The following CHST9 variants were observed in gnomAD, a reference collection of about 807,000 sequenced individuals.
The protein encoded by CHST9 is GalNAc-4-sulfotransferase 2.
CHST9 carries 41 observed loss-of-function variants against 44.4 expected under a neutral mutation model. The ratio of observed to expected loss-of-function variants is 0.92; its 90% CI spans 0.72 to 1.20. The LOEUF is 1.20. Among genes scored for constraint, CHST9 ranks in the 50% most tolerant of loss-of-function variants. CHST9 has a pLI of 0.00. For synonymous variants in CHST9, 171 were observed against 178.4 expected (o/e 0.96, Z 0.33); for missense variants, 504 against 516.5 (o/e 0.98, Z 0.23).
rs558473355 is a variant in CHST9, at chr18:26,970,582, C to T, written c.203-26216G>A. Among the ~76,000 whole-genome samples, 48 of 152,304 alleles carry T rather than the reference C, an allele frequency of 3.2e-4. 2 individuals are homozygous for T. In the South Asian group the frequency reaches 1.0e-2, roughly 32 times the overall value. ...TAGCTGGGACTACAGTCACATGCCA[C>T]CACACCTGGCTAATTTTGTATTTTT... On this transcript the variant is annotated intron_variant, in intron 4 of 5. Coordinates refer to ENST00000618847, the MANE Select transcript of CHST9 (RefSeq NM_031422.6).
chr18:27,056,263 T>A (rs1018557718), intron 2 of CHST9, among the ~76,000 whole-genome samples: 2 of 152,176 alleles, frequency 1.3e-5, no homozygotes, highest in Non-Finnish European at 2.9e-5. Flanking sequence ...TTTCATTTAA[T>A]TTTCCCAGTA....
At chr18:27,052,585 T>G (rs1422799378) in intron 2 of CHST9, among the ~76,000 whole-genome samples, 2 of 152,152 alleles carry the variant, frequency 1.3e-5, no homozygotes, top group African/African-American at 4.8e-5. Flanking sequence ...CTCCAAAATC[T>G]ACTTAGGTTT....
chr18:27,104,283 TCA>T (rs1454211013), intron 2 of CHST9, among the ~76,000 whole-genome samples: 3 of 152,190 alleles, frequency 2.0e-5, no homozygotes, highest in African/African-American at 7.2e-5. Context: ...TTGTGATTTT[TCA>T]CAGTGTCTGA....
intron 2 of CHST9, among the ~76,000 whole-genome samples, chr18:27,128,870 T>C (rs1272311752): frequency 6.6e-6 from 1 of 152,182 alleles, no homozygotes; most frequent in Non-Finnish European, 1.5e-5. Flanking sequence ...ATCTGATACA[T>C]TGTGAATCAT....
intron 4 of CHST9, among the ~76,000 whole-genome samples, chr18:26,968,843 C>G (rs2056499813): frequency 6.6e-6 from 1 of 152,094 alleles, no homozygotes; most frequent in Admixed American, 6.6e-5. Context: ...ATATGTTTTT[C>G]TTCCAGGTGG....
intron 2 of CHST9, among the ~76,000 whole-genome samples, chr18:27,079,452 T>A (rs989909062): frequency 9.9e-5 from 15 of 152,210 alleles, no homozygotes; most frequent in Non-Finnish European, 2.2e-4. Context: ...TTTGATGATA[T>A]AATATTTTCT....
Position 26,913,588 on chromosome 18 carries a change from A to T in CHST9, c.*2671T>A, listed in dbSNP as rs567563064. On this transcript the variant is annotated 3_prime_UTR_variant, in exon 6 of 6. Transcript: ENST00000618847. ...TGCCCATTGTGTTACTGCTGCCTAT[A>T]AAAACAAATAGGATCCTTAGGGTTT... The T allele has an allele frequency of 1.3e-5, 2 of 152,372 alleles. No individual in the cohort carries two copies. The highest frequency in any genetic ancestry group is 1.9e-4 in the East Asian group (1 of 5,192). 9.4% of individuals were successfully genotyped at this position (152,372 alleles called of 1,614,324 possible).
At chr18:27,179,846 A>G (rs2058898105) in intron 1 of CHST9, among the ~76,000 whole-genome samples, 1 of 152,118 alleles carries the variant, frequency 6.6e-6, no homozygotes. Flanking sequence ...AGACCAACTC[A>G]GCACCAAATC....
Position 27,059,080 on chromosome 18 carries a change from G to A in CHST9, c.122-10577C>T, listed in dbSNP as rs117560008. Reference sequence around the variant, plus strand: ...AGCATCTAAAATTATTCCTTTTCATGAAAAAAGAATAAAGCCTGTTATTAG... The same window carrying A: ...AGCATCTAAAATTATTCCTTTTCATAAAAAAAGAATAAAGCCTGTTATTAG... On this transcript the variant is annotated intron_variant, in intron 2 of 5. Transcript: ENST00000618847. Among the ~76,000 whole-genome samples the A allele has an allele frequency of 1.6e-3, 249 of 151,908 alleles. 6 individuals carry two copies. The East Asian group carries it at 0.044, about 27-fold the overall frequency.
chr18:26,965,937 A>G (rs773076119), intron 4 of CHST9, among the ~76,000 whole-genome samples: 1 of 152,208 alleles, frequency 6.6e-6, no homozygotes, highest in Non-Finnish European at 1.5e-5. Flanking sequence ...AACCCTGACT[A>G]CCATCCAGTG....
chr18:27,024,219 T>C, intron 3 of CHST9, 62 bp from the exon 4 acceptor site: 2 of 1,414,140 alleles, frequency 1.4e-6, no homozygotes, highest in Non-Finnish European at 2.0e-6. Context: ...TTTATAAAAC[T>C]TTCTACACAA....
rs144130801 is a variant in CHST9 at position 26,972,567 on chromosome 18, C to A, written c.203-28201G>T. Among the ~76,000 whole-genome samples, 10 of 152,016 alleles carry A rather than the reference C, an allele frequency of 6.6e-5. No individual in the cohort carries two copies. The East Asian group carries it at 1.9e-3, about 30-fold the overall frequency. On this transcript the variant is annotated intron_variant, in intron 4 of 5. Transcript: ENST00000618847. ...CCAGTGTGGTGGAGCAGATGGGGAC[C>A]GACAGAGTTTGGGGCATGAGGCCTT...
At chr18:27,094,047 A>G (rs8088410) in intron 2 of CHST9, among the ~76,000 whole-genome samples, 123,426 of 152,176 alleles carry the variant, frequency 0.81, 50,424 homozygotes, top group East Asian at 0.92. Context: ...TATCTGCAAA[A>G]GGGTTATTTT....
At chr18:27,137,657 G>A (rs2058527534) in intron 2 of CHST9, among the ~76,000 whole-genome samples, 1 of 152,000 alleles carries the variant, frequency 6.6e-6, no homozygotes, top group South Asian at 2.1e-4. Flanking sequence ...TTTAAACATG[G>A]GAGTGATATA....
chr18:27,149,613 T>TC (rs2058644128), intron 1 of CHST9, among the ~76,000 whole-genome samples: 1 of 151,480 alleles, frequency 6.6e-6, no homozygotes, highest in African/African-American at 2.4e-5. Flanking sequence ...TTTTTTTTTT[T>TC]CTTTTTACAT....
intron 2 of CHST9, among the ~76,000 whole-genome samples, chr18:27,050,843 T>C (rs576869241): frequency 6.8e-4 from 104 of 152,306 alleles, no homozygotes; most frequent in African/African-American, 2.4e-3. Context: ...TTTTAAAAAA[T>C]GGTATTCAAG....
At position 27,163,789 on chromosome 18, in the gene CHST9, C is replaced by T. The variant is rs528455820; in HGVS notation, c.-96-20884G>A. 4.4e-3 allele frequency among the ~76,000 whole-genome samples: 667 copies of T among 152,220 alleles called. 4 individuals are homozygous for T. The highest frequency in any genetic ancestry group is 0.015 in the African/African-American group (642 of 41,530). On this transcript the variant is annotated intron_variant, in intron 1 of 5. Coordinates refer to ENST00000618847, the MANE Select transcript of CHST9 (RefSeq NM_031422.6). ...GGTGAGGCCATGCCTCACCCTGCTT[C>T]GGCTCACGCTCAGTGCACTGCACCC...
At chr18:26,939,537 G>A (rs1160524349) in intron 5 of CHST9, among the ~76,000 whole-genome samples, 2 of 152,180 alleles carry the variant, frequency 1.3e-5, no homozygotes, top group Non-Finnish European at 2.9e-5. Context: ...AACATTTGTG[G>A]GGCCTAGAGC....
chr18:27,053,301 AAGGAGAAGGAGAAGGAGAAGG>A (rs1215023832), intron 2 of CHST9, among the ~76,000 whole-genome samples: 10 of 136,138 alleles, frequency 7.3e-5, no homozygotes, highest in Non-Finnish European at 7.9e-5. Context: ...GGAGAAGGAG[AAGGAGAAGGAGAAGGAGAAGG>A]AGAAGATTTC....
Sources: allele counts gnomAD v4.1 joint callset (sites outside exome capture counted in the v4.1 genomes callset), GRCh38; gene constraint gnomAD v4.1.1; transcripts MANE v1.5; gene names NCBI Gene and HGNC (gene_info 2026-07-23, HGNC 2026-07-21).